Variants in GLI3 observed in about 807,000 individuals in gnomAD.
The protein encoded by GLI3 is GLI family zinc finger 3, also known as transcription activator GLI3.
A neutral mutation model predicts 100.8 loss-of-function variants in GLI3; 20 were observed. The observed-to-expected ratio is 0.20, with a 90% CI of 0.14 to 0.29. The LOEUF (loss-of-function observed/expected upper bound fraction) is 0.29. Ranked by LOEUF, GLI3 falls within the 10% of genes least tolerant of loss-of-function variation. GLI3 has a pLI of 1.00. For missense variants in GLI3, 2,040 were observed against 2,128.5 expected, an observed-to-expected ratio of 0.96 and a Z score of 0.82; for synonymous variants, 938 against 860.5, an observed-to-expected ratio of 1.09 and a Z score of -1.58.
chr7:42,122,373 G>C (rs699499), intron 3 of GLI3, among the ~76,000 whole-genome samples: 34,786 of 151,852 alleles, frequency 0.23, 4,254 homozygotes, highest in Admixed American at 0.35. Flanking sequence ...CCACAAATTG[G>C]CCAGAAGTGA....
At chr7:42,144,876 C>T (rs879850055) in intron 3 of GLI3, among the ~76,000 whole-genome samples, 5 of 151,946 alleles carry the variant, frequency 3.3e-5, no homozygotes, top group Non-Finnish European at 5.9e-5. Context: ...TTCTTTTGAC[C>T]GGCTCAGCAG....
intron 8 of GLI3, among the ~76,000 whole-genome samples, 171 bp from the exon 9 acceptor site, chr7:42,025,548 G>C (rs1789088572): frequency 6.6e-6 from 1 of 152,196 alleles, no homozygotes; most frequent in African/African-American, 2.4e-5. Context: ...TATGTTCAAA[G>C]CTAGAAAATA....
intron 1 of GLI3, among the ~76,000 whole-genome samples, chr7:42,255,358 A>G (rs746425736): frequency 1.1e-4 from 16 of 152,170 alleles, no homozygotes; most frequent in Admixed American, 6.5e-5. Flanking sequence ...AAATTTATCC[A>G]TTGTAGGTAT....
intron 3 of GLI3, among the ~76,000 whole-genome samples, chr7:42,144,728 A>G (rs557168073): frequency 1.3e-5 from 2 of 152,270 alleles, no homozygotes; most frequent in East Asian, 3.9e-4. Flanking sequence ...AAGCCTGCCC[A>G]CACTTTAGAA....
intron 4 of GLI3, among the ~76,000 whole-genome samples, chr7:42,057,793 A>G (rs944236983): frequency 1.3e-5 from 2 of 152,314 alleles, no homozygotes; most frequent in South Asian, 4.1e-4. Flanking sequence ...ACCAAATACC[A>G]TATGTTCTCA....
At chr7:42,007,706 C>T (rs906009738) in intron 10 of GLI3, among the ~76,000 whole-genome samples, 10 of 152,024 alleles carry the variant, frequency 6.6e-5, no homozygotes, top group African/African-American at 2.4e-4. Flanking sequence ...ATGGTTACAT[C>T]AAAATGAAGT....
intron 3 of GLI3, among the ~76,000 whole-genome samples, chr7:42,103,465 T>A (rs112001980): frequency 6.7e-6 from 1 of 149,508 alleles, no homozygotes; most frequent in South Asian, 2.1e-4. Context: ...TGTATCTTAT[T>A]AAAAAAAAAA....
chr7:42,250,841 G>A (rs780279196), intron 1 of GLI3, among the ~76,000 whole-genome samples: 1 of 152,218 alleles, frequency 6.6e-6, no homozygotes, highest in South Asian at 2.1e-4. Flanking sequence ...AACATATCAC[G>A]GACATTTACC....
intron 10 of GLI3, among the ~76,000 whole-genome samples, chr7:42,014,822 C>T (rs1160473689): frequency 6.6e-6 from 1 of 152,096 alleles, no homozygotes; most frequent in Admixed American, 6.6e-5. Flanking sequence ...GTAGTGGCCA[C>T]CAGGTGGTGA....
intron 6 of GLI3, among the ~76,000 whole-genome samples, chr7:42,043,935 T>C (rs548965407): frequency 6.6e-6 from 1 of 152,146 alleles, no homozygotes; most frequent in Non-Finnish European, 1.5e-5. Flanking sequence ...AAATGTAAGC[T>C]CTCTATGCTA....
At chr7:42,262,424 T>A (rs1403283813) in intron 1 of GLI3, among the ~76,000 whole-genome samples, 1 of 152,114 alleles carries the variant, frequency 6.6e-6, no homozygotes. Flanking sequence ...CACAGCCAGC[T>A]AATTTTTTTA....
At chr7:41,968,763 G>GAAAGAAGGAAAGAAAGAAAGAAA (rs1491137662) in intron 13 of GLI3, among the ~76,000 whole-genome samples, 1 of 56,690 alleles carries the variant, frequency 1.8e-5, no homozygotes, top group African/African-American at 8.1e-5. Context: ...AAAGAAAGAA[G>GAAAGAAGGAAAGAAAGAAAGAAA]GAAAGAAAGA....
intron 4 of GLI3, among the ~76,000 whole-genome samples, chr7:42,050,929 C>A (rs846264): frequency 0.63 from 95,861 of 152,008 alleles, 32,047 homozygotes; most frequent in African/African-American, 0.87. Context: ...AAAATTATAG[C>A]GGCCAGGCTA....
At chr7:41,990,758 T>TC (rs1250096701) in intron 10 of GLI3, among the ~76,000 whole-genome samples, 1 of 152,134 alleles carries the variant, frequency 6.6e-6, no homozygotes, top group African/African-American at 2.4e-5. Context: ...ACATCCACGG[T>TC]CATGGCTCTC....
Position 42,075,740 on chromosome 7 carries a change from T to C in GLI3, c.473+1012A>G, listed in dbSNP as rs377554651. Among the ~76,000 whole-genome samples the C allele has an allele frequency of 4.6e-5, 7 of 152,312 alleles. No homozygotes were observed. The South Asian group carries it at 1.4e-3, about 32-fold the overall frequency. ...GAAATTACAATTCAGTAATGGGAGA[T>C]GGATCCAAAAAACTGTTGGTAAAAT... On this transcript the variant is annotated intron_variant, in intron 4 of 14. Coordinates refer to ENST00000395925, the MANE Select transcript of GLI3 (RefSeq NM_000168.6).
At chr7:42,034,727 G>T (rs1435076795) in intron 7 of GLI3, among the ~76,000 whole-genome samples, 1 of 152,116 alleles carries the variant, frequency 6.6e-6, no homozygotes, top group Non-Finnish European at 1.5e-5. Flanking sequence ...TAGGCCCGTG[G>T]TGCTATTCTT....
At chr7:42,122,112 T>C (rs1249035064) in intron 3 of GLI3, among the ~76,000 whole-genome samples, 1 of 149,786 alleles carries the variant, frequency 6.7e-6, no homozygotes, top group African/African-American at 2.5e-5. Context: ...TTAGAGACCC[T>C]AGAGGAATAT....
chr7:42,148,199 C>T lies in GLI3; in HGVS notation c.367+27G>A, dbSNP rs367820690. ...CACAGCCCTCCCCATAGCTCCTGAA[C>T]AAGTGCCGACTGGCATGGGCACTTA... is the stretch of plus-strand genomic sequence containing the variant. On this transcript the variant is annotated intron_variant, in intron 3 of 14. Transcript: ENST00000395925. 3 of 1,583,852 alleles carry T rather than the reference C, an allele frequency of 1.9e-6. No individual in the cohort carries two copies. The African/African-American group carries it at 4.1e-5, about 21-fold the overall frequency.
At chr7:42,134,494 G>C (rs531967409) in intron 3 of GLI3, among the ~76,000 whole-genome samples, 2 of 152,122 alleles carry the variant, frequency 1.3e-5, no homozygotes, top group Non-Finnish European at 2.9e-5. Context: ...CTAGCTCAGA[G>C]GGCAAACCCA....
Sources: gnomAD v4.1 joint callset for allele counts (sites outside exome capture counted in the v4.1 genomes callset) on GRCh38, gnomAD v4.1.1 for gene constraint, MANE v1.5 for transcripts, NCBI Gene and HGNC (gene_info 2026-07-23, HGNC 2026-07-21) for gene names.